The following CCDC93 variants were observed in gnomAD, a reference collection of about 807,000 sequenced individuals.
The protein encoded by CCDC93 is CCC complex scaffolding subunit CCDC93, also known as coiled-coil domain-containing protein 93.
A neutral mutation model predicts 108.2 loss-of-function variants in CCDC93; 61 were observed. That is an observed-to-expected ratio of 0.56 (90% CI 0.46 to 0.70). CCDC93 has a LOEUF of 0.70. CCDC93 is among the 30% of genes least tolerant of loss of function. CCDC93 has a pLI of 0.00. For synonymous variants in CCDC93, 276 were observed against 260.4 expected, an observed-to-expected ratio of 1.06 and a Z score of -0.58; for missense variants, 685 against 764.2, an observed-to-expected ratio of 0.90 and a Z score of 1.22.
intron 20 of CCDC93, among the ~76,000 whole-genome samples, chr2:117,937,630 A>G (rs566311882): frequency 1.3e-5 from 2 of 152,312 alleles, no homozygotes; most frequent in East Asian, 3.9e-4. Context: ...AACAACTTTA[A>G]ACACTGCTGA....
intron 18 of CCDC93, among the ~76,000 whole-genome samples, chr2:117,942,402 A>G (rs1479353890): frequency 6.6e-6 from 1 of 152,116 alleles, no homozygotes; most frequent in Non-Finnish European, 1.5e-5. Flanking sequence ...AGCCATGCAC[A>G]TGGGAGCCTC....
chr2:117,946,123 G>A (rs1037678233), intron 16 of CCDC93, among the ~76,000 whole-genome samples: 14 of 152,058 alleles, frequency 9.2e-5, no homozygotes, highest in African/African-American at 2.7e-4. Context: ...TCGTCTCCCC[G>A]CTGGGCATGG....
At position 117,979,753 on chromosome 2, in the gene CCDC93, G is replaced by A. The variant is rs557045856; in HGVS notation, c.621-1723C>T. On this transcript the variant is annotated intron_variant, in intron 7 of 23. Coordinates refer to ENST00000376300, the MANE Select transcript of CCDC93 (RefSeq NM_019044.5). Reference sequence around the variant, plus strand: ...AAGGTTAAATTTTGGCTATCCACACGAATTCTGTAAAGGACCTTATGGCAG... The same window carrying A: ...AAGGTTAAATTTTGGCTATCCACACAAATTCTGTAAAGGACCTTATGGCAG... 7.9e-5 allele frequency among the ~76,000 whole-genome samples: 12 copies of A among 152,242 alleles called. No individual in the cohort carries two copies. In the South Asian group the frequency reaches 2.3e-3, roughly 29 times the overall value.
intron 7 of CCDC93, among the ~76,000 whole-genome samples, chr2:117,981,429 C>T (rs975635684): frequency 6.6e-6 from 1 of 152,214 alleles, no homozygotes; most frequent in Non-Finnish European, 1.5e-5. Context: ...CCGTTTCCCC[C>T]AAGTGACAGC....
intron 11 of CCDC93, among the ~76,000 whole-genome samples, chr2:117,965,484 T>C (rs1282980437): frequency 1.3e-5 from 2 of 152,208 alleles, no homozygotes; most frequent in Admixed American, 1.3e-4. Context: ...CCCTTCCCTT[T>C]TCCATTTCTA....
At chr2:117,950,146 G>C in intron 13 of CCDC93, 1 of 985,352 alleles carries the variant, frequency 1.0e-6, no homozygotes, top group African/African-American at 1.7e-5. Context: ...ATAAACACAG[G>C]AAGTGGGCTG....
At chr2:117,921,250 G>A (rs9308759) in intron 23 of CCDC93, among the ~76,000 whole-genome samples, 55,165 of 151,196 alleles carry the variant, frequency 0.36, 10,807 homozygotes, top group African/African-American at 0.49. Flanking sequence ...CACGTGCTAC[G>A]GGTTATCACT....
chr2:117,967,648 A>G (rs1054967463), intron 11 of CCDC93, among the ~76,000 whole-genome samples: 1 of 152,250 alleles, frequency 6.6e-6, no homozygotes, highest in Non-Finnish European at 1.5e-5. Flanking sequence ...TTGCAAAGTC[A>G]AAACAGTCCT....
chr2:117,945,378 T>C, intron 17 of CCDC93, 151 bp downstream of exon 17: 1 of 634,942 alleles, frequency 1.6e-6, no homozygotes, highest in Non-Finnish European at 2.8e-6. Flanking sequence ...GAGGCCTAGC[T>C]GTATCAAACA....
intron 11 of CCDC93, among the ~76,000 whole-genome samples, chr2:117,968,838 C>A (rs1004190375): frequency 2.0e-5 from 3 of 152,160 alleles, no homozygotes; most frequent in African/African-American, 7.2e-5. Flanking sequence ...GAGTTTTTCT[C>A]AGATACTACC....
intron 2 of CCDC93, among the ~76,000 whole-genome samples, chr2:118,007,908 T>TC (rs1676921431): frequency 6.6e-6 from 1 of 152,208 alleles, no homozygotes; most frequent in African/African-American, 2.4e-5. Flanking sequence ...GCCTGCCCTG[T>TC]GTGATTTGAA....
chr2:118,013,405 A>C (rs1677072665), intron 1 of CCDC93, among the ~76,000 whole-genome samples: 2 of 152,062 alleles, frequency 1.3e-5, no homozygotes, highest in African/African-American at 4.8e-5. Flanking sequence ...AAGTCTCCCA[A>C]ACTTCCTCCC....
chr2:117,926,412 C>A (rs10432589), intron 23 of CCDC93, among the ~76,000 whole-genome samples: 1 of 151,700 alleles, frequency 6.6e-6, no homozygotes, highest in African/African-American at 2.4e-5. Context: ...ATCAAATAGA[C>A]GCAATAAAAA....
rs1677783679 is a variant in CCDC93, at chr2:117,919,223, G to A, written c.*1120C>T. ...AGCCTAGTCTCAGCCCTACTTCCCAGACGGGTCTCTGAAGCCTCCTGCAGA... is the reference window on the plus strand; with the variant it reads ...AGCCTAGTCTCAGCCCTACTTCCCAAACGGGTCTCTGAAGCCTCCTGCAGA... On this transcript the variant is annotated 3_prime_UTR_variant, in exon 24 of 24. Coordinates refer to ENST00000376300, the MANE Select transcript of CCDC93 (RefSeq NM_019044.5). 1 of 152,240 alleles carries A rather than the reference G, an allele frequency of 6.6e-6. No individual in the cohort carries two copies. The highest frequency in any genetic ancestry group is 2.4e-5 in the African/African-American group (1 of 41,428). The allele number at this position is 152,240 out of a possible 1,614,324, so 9.4% of individuals were successfully genotyped here.
chr2:117,943,832 C>T lies in CCDC93; in HGVS notation c.1413+192G>A, dbSNP rs140974634. Among the ~76,000 whole-genome samples, 536 of 152,224 alleles carry T rather than the reference C, an allele frequency of 3.5e-3. 4 individuals are homozygous for T. Among genetic ancestry groups the T allele is most frequent in the African/African-American group, 0.012 (515 of 41,530 alleles). On this transcript the variant is annotated intron_variant, in intron 18 of 23. Transcript: ENST00000376300. ...AGGAGTGGTTGTGAAAGTAATATACCAACAATGTGAGATGTTAATACCAAC... is the reference window on the plus strand; with the variant it reads ...AGGAGTGGTTGTGAAAGTAATATACTAACAATGTGAGATGTTAATACCAAC...
At chr2:117,981,639 A>G (rs998914118) in intron 7 of CCDC93, among the ~76,000 whole-genome samples, 3 of 152,256 alleles carry the variant, frequency 2.0e-5, no homozygotes, top group East Asian at 3.8e-4. Context: ...ATAAAGAAGG[A>G]CACACATACA....
At chr2:118,003,296 A>T (rs1558805308) in intron 3 of CCDC93, among the ~76,000 whole-genome samples, 1 of 152,182 alleles carries the variant, frequency 6.6e-6, no homozygotes, top group Non-Finnish European at 1.5e-5. Context: ...AGCTTTTTTT[A>T]AAATTTTGAT....
intron 10 of CCDC93, among the ~76,000 whole-genome samples, chr2:117,974,617 A>G (rs1188791289): frequency 1.3e-5 from 2 of 152,196 alleles, no homozygotes; most frequent in African/African-American, 2.4e-5. Context: ...TGAACCTCCC[A>G]GCAGGAATAT....
chr2:117,953,392 G>A (rs772714309), intron 12 of CCDC93, among the ~76,000 whole-genome samples: 18 of 152,184 alleles, frequency 1.2e-4, no homozygotes, highest in Non-Finnish European at 2.4e-4. Flanking sequence ...GGAGAGAGAA[G>A]CAGGTGGGTT....
Sources: gnomAD v4.1 joint callset for allele counts (sites outside exome capture counted in the v4.1 genomes callset) on GRCh38, gnomAD v4.1.1 for gene constraint, MANE v1.5 for transcripts, NCBI Gene and HGNC (gene_info 2026-07-23, HGNC 2026-07-21) for gene names.